TMEM260: variants seen among roughly 807,000 people sequenced by gnomAD.
TMEM260 encodes protein O-mannosyl-transferase TMEM260.
TMEM260 carries 82 observed loss-of-function variants against 88.9 expected under a neutral mutation model. The ratio of observed to expected loss-of-function variants is 0.92; its 90% CI spans 0.77 to 1.11. The LOEUF is 1.11. Ranked by LOEUF, TMEM260 falls within the 50% of genes least tolerant of loss-of-function variation. The probability of loss-of-function intolerance (pLI) is 0.00; values close to 1 mark genes in which losing one functional copy is unlikely to be tolerated. For synonymous variants in TMEM260, 314 were observed against 309.3 expected (o/e 1.02, Z -0.16); for missense variants, 902 against 853.4 (o/e 1.06, Z -0.71).
intron 12 of TMEM260, among the ~76,000 whole-genome samples, chr14:56,632,282 T>C (rs2139624032): frequency 6.6e-6 from 1 of 152,266 alleles, no homozygotes; most frequent in East Asian, 1.9e-4. Context: ...TGTGTCTGCA[T>C]CTGGAGCCAG....
rs1594907981 is a variant in TMEM260 at position 56,647,674 on chromosome 14, A to C, written c.*177A>C. The C allele has an allele frequency of 3.2e-6, 2 of 632,112 alleles. No individual in the cohort carries two copies. The highest frequency in any genetic ancestry group is 6.4e-5 in the East Asian group (2 of 31,464). 39.2% of individuals were successfully genotyped at this position (632,112 alleles called of 1,614,324 possible). On this transcript the variant is annotated 3_prime_UTR_variant, in exon 16 of 16. Coordinates refer to ENST00000261556, the MANE Select transcript of TMEM260 (RefSeq NM_017799.4). ...GGGTATTCAGTGACTAAGGTCTGCT[A>C]TTTATGCAAAATTCTGTTTATCCCG...
intron 12 of TMEM260, among the ~76,000 whole-genome samples, chr14:56,627,702 A>G (rs17091838): frequency 4.5e-4 from 68 of 152,362 alleles, no homozygotes; most frequent in African/African-American, 1.6e-3. Flanking sequence ...AGTTATCTAA[A>G]TGCATACCTC....
At chr14:56,641,204 A>G (rs909859456) in intron 15 of TMEM260, among the ~76,000 whole-genome samples, 1 of 151,672 alleles carries the variant, frequency 6.6e-6, no homozygotes, top group Non-Finnish European at 1.5e-5. Context: ...ACTCCAAGAC[A>G]CATGATTGTC....
chr14:56,608,906 A>G (rs980116757), intron 5 of TMEM260, among the ~76,000 whole-genome samples, 200 bp from the exon 6 acceptor site: 2 of 152,204 alleles, frequency 1.3e-5, no homozygotes, highest in African/African-American at 2.4e-5. Flanking sequence ...CTGCCATGCA[A>G]AGGAGTTCAG....
intron 11 of TMEM260, among the ~76,000 whole-genome samples, chr14:56,623,024 G>A (rs1888029577): frequency 6.6e-6 from 1 of 152,176 alleles, no homozygotes; most frequent in South Asian, 2.1e-4. Flanking sequence ...GCATGGATTA[G>A]AAAGTGAATT....
In TMEM260 at chr14:56,609,287, T is replaced by C. The variant is rs1594841742; in HGVS notation, c.816+2T>C. ...GAAGAATATGGAACCTTCAGCCTGG[T>C]AAATTCAGATTTAAAGCCCTTCTAA... On this transcript the variant is annotated splice_donor_variant, in intron 6 of 15. Transcript: ENST00000261556. LOFTEE classifies it high-confidence loss of function. 1 of 1,613,324 alleles carries C rather than the reference T, an allele frequency of 6.2e-7. No homozygotes were observed. The highest frequency in any genetic ancestry group is 1.3e-5 in the African/African-American group (1 of 74,924).
intron 12 of TMEM260, among the ~76,000 whole-genome samples, chr14:56,631,655 T>A (rs1300426866): frequency 1.3e-5 from 2 of 151,274 alleles, no homozygotes; most frequent in Non-Finnish European, 2.9e-5. Flanking sequence ...GTGCAGTGTG[T>A]TTACTGGAGT....
chr14:56,647,374 C>G lies in TMEM260; in HGVS notation c.2001C>G (p.Thr667=). The change falls in exon 16 of 16, where the codon ACC becomes ACG. Residue 667 remains threonine (T), a synonymous_variant. Transcript: ENST00000261556. The part of the protein sequence containing the change: ...DADPEVLLSE[T]IRHFRLYSQK... Reference sequence around the variant, plus strand: ...ATCCTGAAGTGCTGTTATCGGAAACCATCAGACATTTCCGTCTGTACTCTC... The same window carrying G: ...ATCCTGAAGTGCTGTTATCGGAAACGATCAGACATTTCCGTCTGTACTCTC... 2 of 1,614,190 alleles carry G rather than the reference C, an allele frequency of 1.2e-6. No homozygotes were observed. Among genetic ancestry groups the G allele is most frequent in the African/African-American group, 1.3e-5 (1 of 75,046 alleles).
At chr14:56,579,751 T>C, upstream of TMEM260, 1 of 563,458 alleles carries the variant, frequency 1.8e-6, no homozygotes. Flanking sequence ...CATTTTCTCC[T>C]CCCCGCGCTC....
rs1314133322 is a variant in TMEM260 at position 56,612,272 on chromosome 14, T to C, written c.844T>C (p.Ser282Pro). ...CAAATCTGAAATAGGATCCAGTATGTCTGAAATACTGCTGTGAGTATGAAA... is the reference window on the plus strand; with the variant it reads ...CAAATCTGAAATAGGATCCAGTATGCCTGAAATACTGCTGTGAGTATGAAA... ...LAKSEIGSSM[S>P]EILLSQVTNM... is the part of the protein sequence containing the mutation. Residue 282 changes from serine to proline, a missense_variant, in exon 7 of 16, where the codon TCT (serine) becomes CCT (proline). By Grantham distance (74) the Ser-to-Pro change is moderately conservative. Transcript: ENST00000261556. 6.2e-7 allele frequency: 1 copy of C among 1,613,292 alleles called. No individual in the cohort carries two copies. Among genetic ancestry groups the C allele is most frequent in the East Asian group, 2.2e-5 (1 of 44,810 alleles).
intron 3 of TMEM260, among the ~76,000 whole-genome samples, chr14:56,596,492 C>T (rs1886239168): frequency 6.7e-6 from 1 of 149,174 alleles, no homozygotes; most frequent in Non-Finnish European, 1.5e-5. Context: ...TCAGGCCGGG[C>T]ATGGTGGCTC....
intron 15 of TMEM260, among the ~76,000 whole-genome samples, chr14:56,642,457 C>T (rs1594898961): frequency 6.6e-6 from 1 of 151,916 alleles, no homozygotes; most frequent in Non-Finnish European, 1.5e-5. Flanking sequence ...TCTTTGAAAC[C>T]AACGAGAACA....
chr14:56,600,630 A>G lies in TMEM260; in HGVS notation c.345-3185A>G, dbSNP rs373962410. 3.3e-5 allele frequency among the ~76,000 whole-genome samples: 5 copies of G among 152,196 alleles called. No individual in the cohort carries two copies. The South Asian group carries it at 1.0e-3, about 31-fold the overall frequency. On this transcript the variant is annotated intron_variant, in intron 3 of 15. Coordinates refer to ENST00000261556, the MANE Select transcript of TMEM260 (RefSeq NM_017799.4). ...AAATGCAAATCCAAACTTCAGTGAG[A>G]TGCCACTTCACACTGACTAGGATGG...
intron 15 of TMEM260, among the ~76,000 whole-genome samples, chr14:56,640,620 A>G (rs750921817): frequency 4.6e-5 from 7 of 152,244 alleles, no homozygotes; most frequent in Non-Finnish European, 1.0e-4. Context: ...GCTCCTCACC[A>G]GCAATGGAAC....
downstream of TMEM260, among the ~76,000 whole-genome samples, chr14:56,655,396 A>G (rs1890283541): frequency 6.6e-6 from 1 of 152,070 alleles, no homozygotes; most frequent in South Asian, 2.1e-4. Context: ...CAAAAAAAAA[A>G]AAAAAAAGTA....
the TMEM260 span, among the ~76,000 whole-genome samples, chr14:56,660,360 G>A: frequency 2.0e-5 from 3 of 152,164 alleles, no homozygotes; most frequent in Non-Finnish European, 4.4e-5. Flanking sequence ...TTACCAATGC[G>A]CAATGTTAAA....
intron 11 of TMEM260, among the ~76,000 whole-genome samples, chr14:56,623,727 C>T (rs1282305237): frequency 2.0e-5 from 3 of 152,136 alleles, no homozygotes; most frequent in African/African-American, 7.2e-5. Flanking sequence ...TAATATCCTC[C>T]AGAACCAGAA....
At chr14:56,597,949 A>G (rs945806065) in intron 3 of TMEM260, among the ~76,000 whole-genome samples, 4 of 152,186 alleles carry the variant, frequency 2.6e-5, no homozygotes, top group African/African-American at 9.7e-5. Context: ...AGAATGAGAA[A>G]TTAATTTTGT....
At chr14:56,610,349 T>C (rs577067043) in intron 6 of TMEM260, among the ~76,000 whole-genome samples, 23 of 152,320 alleles carry the variant, frequency 1.5e-4, no homozygotes, top group Admixed American at 1.4e-3. Flanking sequence ...CACGCCATTC[T>C]GCTGCCTCAG....
Sources: gnomAD v4.1 joint callset for allele counts (sites outside exome capture counted in the v4.1 genomes callset) on GRCh38, gnomAD v4.1.1 for gene constraint, MANE v1.5 for transcripts, NCBI Gene and HGNC (gene_info 2026-07-23, HGNC 2026-07-21) for gene names.